Variants in MLLT10 observed in about 807,000 individuals in gnomAD.
The protein encoded by MLLT10 is protein AF-10.
In MLLT10, 30 loss-of-function variants were observed where a neutral mutation model predicts 129.1. The ratio of observed to expected loss-of-function variants is 0.23; its 90% confidence interval spans 0.17 to 0.32. The LOEUF is 0.32. Ranked by LOEUF, MLLT10 falls within the 10% of genes least tolerant of loss-of-function variation. The pLI, the probability that MLLT10 is intolerant of heterozygous loss-of-function variation, is 1.00. For synonymous variants in MLLT10, 490 were observed against 446.4 expected, an observed-to-expected ratio of 1.10 and a Z score of -1.23; for missense variants, 1,119 against 1,268.3, an observed-to-expected ratio of 0.88 and a Z score of 1.79.
intron 21 of MLLT10, among the ~76,000 whole-genome samples, chr10:21,738,081 AACGTGGTGAAACCCCGTCTCT>A (rs1033859529): frequency 6.6e-6 from 1 of 152,104 alleles, no homozygotes; most frequent in Non-Finnish European, 1.5e-5. Context: ...AAGCCTGACC[AACGTGGTGAAACCCCGTCTCT>A]ACTAAAAATA....
chr10:21,668,322 T>C (rs1408317907), intron 9 of MLLT10, among the ~76,000 whole-genome samples: 1 of 152,122 alleles, frequency 6.6e-6, no homozygotes, highest in Non-Finnish European at 1.5e-5. Flanking sequence ...TTTACCTGTC[T>C]TCGATTTTGA....
chr10:21,654,498 G>A (rs2049360281), intron 9 of MLLT10, among the ~76,000 whole-genome samples: 1 of 152,130 alleles, frequency 6.6e-6, no homozygotes, highest in African/African-American at 2.4e-5. Flanking sequence ...GTGACGATTT[G>A]AGGAGTATTA....
At chr10:21,713,354 C>T in intron 13 of MLLT10, among the ~76,000 whole-genome samples, 1 of 152,226 alleles carries the variant, frequency 6.6e-6, no homozygotes, top group East Asian at 1.9e-4. Flanking sequence ...AAGGTCTCTT[C>T]CTACTTCAGA....
intron 6 of MLLT10, among the ~76,000 whole-genome samples, chr10:21,613,125 T>C (rs575512345): frequency 3.1e-5 from 4 of 129,148 alleles, no homozygotes; most frequent in Admixed American, 9.9e-5. Context: ...ACCTGGGAGG[T>C]GGAGTTTGCA....
chr10:21,591,161 G>A (rs1326184004), intron 4 of MLLT10, among the ~76,000 whole-genome samples: 1 of 152,024 alleles, frequency 6.6e-6, no homozygotes, highest in African/African-American at 2.4e-5. Context: ...GGGTTCAAGC[G>A]ATCCTCCTAC....
intron 3 of MLLT10, among the ~76,000 whole-genome samples, chr10:21,552,805 C>T (rs2037303020): frequency 6.6e-6 from 1 of 152,174 alleles, no homozygotes; most frequent in African/African-American, 2.4e-5. Flanking sequence ...TCTTCCTCTT[C>T]TTTCCGTCTC....
At position 21,649,345 on chromosome 10, in the gene MLLT10, G is replaced by A. The variant is rs540727761; in HGVS notation, c.700-2328G>A. On this transcript the variant is annotated intron_variant, in intron 8 of 22. Coordinates refer to ENST00000307729, the MANE Select transcript of MLLT10 (RefSeq NM_001195626.3). ...TCCTGCCTTGGCTTCCCAAAGTGCC[G>A]GGATTACAGGTGTGAGCCAGTGTGC... Among the ~76,000 whole-genome samples, 103 of 152,230 alleles carry A rather than the reference G, an allele frequency of 6.8e-4. 2 individuals carry two copies. The South Asian group carries it at 0.016, about 24-fold the overall frequency.
intron 8 of MLLT10, among the ~76,000 whole-genome samples, chr10:21,641,511 G>T (rs991700396): frequency 6.6e-6 from 1 of 152,124 alleles, no homozygotes; most frequent in African/African-American, 2.4e-5. Flanking sequence ...ACAAAACATA[G>T]CTGAATGTGT....
intron 11 of MLLT10, among the ~76,000 whole-genome samples, chr10:21,676,878 G>A (rs11012771): frequency 2.0e-5 from 3 of 151,924 alleles, no homozygotes; most frequent in South Asian, 4.2e-4. Flanking sequence ...ACTTAGTGCA[G>A]AACATTTATT....
At chr10:21,597,789 G>T (rs1397497766) in intron 5 of MLLT10, among the ~76,000 whole-genome samples, 2 of 152,180 alleles carry the variant, frequency 1.3e-5, no homozygotes, top group Non-Finnish European at 2.9e-5. Flanking sequence ...ATTTGGATTT[G>T]CCTGATGTTT....
chr10:21,552,911 C>T (rs1037325412), intron 3 of MLLT10, among the ~76,000 whole-genome samples: 1 of 151,792 alleles, frequency 6.6e-6, no homozygotes, highest in African/African-American at 2.4e-5. Flanking sequence ...CCTTGTCTTT[C>T]CTCCCCCTTC....
At chr10:21,728,528 G>A (rs1320175560) in intron 16 of MLLT10, among the ~76,000 whole-genome samples, 3 of 152,166 alleles carry the variant, frequency 2.0e-5, no homozygotes, top group African/African-American at 7.2e-5. Context: ...GAGATACTGT[G>A]TCTGCTTGTA....
chr10:21,577,459 A>T (rs1457825706), intron 3 of MLLT10, among the ~76,000 whole-genome samples: 1 of 145,118 alleles, frequency 6.9e-6, no homozygotes, highest in African/African-American at 2.6e-5. Flanking sequence ...CAATAGATGA[A>T]GGTTTTTTTT....
At chr10:21,689,569 A>ATATATATATATATATGTATGTG (rs1564651792) in intron 13 of MLLT10, among the ~76,000 whole-genome samples, 55 of 83,186 alleles carry the variant, frequency 6.6e-4, no homozygotes, top group African/African-American at 1.8e-3. Flanking sequence ...ATATATGTAT[A>ATATATATATATATATGTATGTG]TATATATATA....
intron 4 of MLLT10, among the ~76,000 whole-genome samples, chr10:21,590,678 C>CAATGGTAGT (rs1439938666): frequency 1.8e-4 from 27 of 152,240 alleles, no homozygotes; most frequent in Non-Finnish European, 3.1e-4. Context: ...ATTTTGCTAG[C>CAATGGTAGT]AATGGTAGTA....
intron 3 of MLLT10, among the ~76,000 whole-genome samples, chr10:21,564,812 G>A (rs1223295262): frequency 7.0e-6 from 1 of 141,880 alleles, no homozygotes; most frequent in East Asian, 2.0e-4. Flanking sequence ...CAACAAGAGC[G>A]AAACTCCATC....
intron 8 of MLLT10, among the ~76,000 whole-genome samples, chr10:21,629,818 C>T (rs886139992): frequency 1.3e-5 from 2 of 152,088 alleles, no homozygotes; most frequent in South Asian, 2.1e-4. Context: ...TTAAGAATCT[C>T]AGATTTGCTG....
intron 13 of MLLT10, among the ~76,000 whole-genome samples, chr10:21,713,230 CAT>C (rs1272519249): frequency 1.3e-5 from 2 of 152,216 alleles, no homozygotes; most frequent in African/African-American, 4.8e-5. Flanking sequence ...AATCTACCAA[CAT>C]TCTTTATTCC....
chr10:21,722,675 C>T (rs1372816641), intron 14 of MLLT10, among the ~76,000 whole-genome samples: 1 of 152,170 alleles, frequency 6.6e-6, no homozygotes, highest in African/African-American at 2.4e-5. Flanking sequence ...TCCTCTTCTG[C>T]ATCTTCAGTG....
Sources: gnomAD v4.1 joint callset for allele counts (sites outside exome capture counted in the v4.1 genomes callset) on GRCh38, gnomAD v4.1.1 for gene constraint, MANE v1.5 for transcripts, NCBI Gene and HGNC (gene_info 2026-07-23, HGNC 2026-07-21) for gene names.